Variants in SRGAP3 observed in about 807,000 individuals in gnomAD.
The protein encoded by SRGAP3 is SLIT-ROBO Rho GTPase-activating protein 3.
In SRGAP3, 39 loss-of-function variants were observed where a neutral mutation model predicts 121.1. The observed-to-expected ratio is 0.32, with a 90% confidence interval of 0.25 to 0.42. SRGAP3 has a LOEUF of 0.42. Among genes scored for constraint, SRGAP3 ranks in the 10% least tolerant of loss-of-function variants. The pLI is 1.00. For synonymous variants in SRGAP3, 601 were observed against 570.0 expected (o/e 1.05, Z -0.77); for missense variants, 1,213 against 1,470.6 (o/e 0.82, Z 2.86).
intron 14 of SRGAP3, among the ~76,000 whole-genome samples, chr3:9,017,585 G>A (rs1280068475): frequency 3.3e-5 from 5 of 152,192 alleles, no homozygotes; most frequent in African/African-American, 7.2e-5. Flanking sequence ...CTGGTGGCCA[G>A]GGTATGGAGG....
At chr3:9,046,283 T>C (rs2670003) in intron 10 of SRGAP3, among the ~76,000 whole-genome samples, 94,288 of 151,910 alleles carry the variant, frequency 0.62, 29,979 homozygotes, top group Middle Eastern at 0.75. Context: ...CAGAGTAGAG[T>C]GTGGGGTGCT....
intron 1 of SRGAP3, among the ~76,000 whole-genome samples, chr3:9,145,951 CA>C (rs772074902): frequency 3.3e-5 from 5 of 152,172 alleles, no homozygotes; most frequent in Non-Finnish European, 7.4e-5. Flanking sequence ...AGAAGTTTAG[CA>C]GGGCATGGAA....
At chr3:9,054,960 C>T (rs1157883899) in intron 8 of SRGAP3, among the ~76,000 whole-genome samples, 1 of 152,226 alleles carries the variant, frequency 6.6e-6, no homozygotes, top group Non-Finnish European at 1.5e-5. Context: ...TACAGAAGAA[C>T]ATTGGCTTCA....
At chr3:9,299,051 C>CAA (rs71049787) in intron 3 of SRGAP3, among the ~76,000 whole-genome samples, 1,144 of 70,238 alleles carry the variant, frequency 0.016, 39 homozygotes, top group African/African-American at 0.06. Flanking sequence ...GACTCCATCT[C>CAA]AAAAAAAAAA....
At chr3:9,265,976 T>C (rs1954354375) in intron 3 of SRGAP3, among the ~76,000 whole-genome samples, 2 of 152,168 alleles carry the variant, frequency 1.3e-5, no homozygotes, top group Admixed American at 1.3e-4. Flanking sequence ...CCAACCCAAA[T>C]GCTCATCAAT....
At chr3:9,073,239 G>A (rs1946802319) in intron 4 of SRGAP3, among the ~76,000 whole-genome samples, 1 of 152,190 alleles carries the variant, frequency 6.6e-6, no homozygotes, top group African/African-American at 2.4e-5. Flanking sequence ...CACCTCCCAA[G>A]CTCAGGTAAT....
At chr3:9,148,328 C>T (rs771462518) in intron 1 of SRGAP3, among the ~76,000 whole-genome samples, 1 of 152,202 alleles carries the variant, frequency 6.6e-6, no homozygotes, top group Non-Finnish European at 1.5e-5. Context: ...GGAATGTGTG[C>T]TACAAGCACC....
At chr3:9,101,382 G>T (rs1948208158) in intron 3 of SRGAP3, among the ~76,000 whole-genome samples, 1 of 152,226 alleles carries the variant, frequency 6.6e-6, no homozygotes, top group Non-Finnish European at 1.5e-5. Flanking sequence ...ATGGGTATGT[G>T]TCCCGGCCTG....
intron 3 of SRGAP3, among the ~76,000 whole-genome samples, chr3:9,285,294 G>T (rs1204646815): frequency 6.6e-6 from 1 of 152,144 alleles, no homozygotes; most frequent in Non-Finnish European, 1.5e-5. Flanking sequence ...CCATTCTATT[G>T]TTTTAGTGAT....
At chr3:9,330,032 T>C (rs923111969) in intron 2 of SRGAP3, among the ~76,000 whole-genome samples, 1 of 152,224 alleles carries the variant, frequency 6.6e-6, no homozygotes, top group Non-Finnish European at 1.5e-5. Context: ...GCCATTTCTA[T>C]AAGACTTCGC....
chr3:9,331,942 G>A (rs893525361), intron 1 of SRGAP3, among the ~76,000 whole-genome samples: 2 of 152,152 alleles, frequency 1.3e-5, no homozygotes, highest in Non-Finnish European at 2.9e-5. Context: ...GTAATATACT[G>A]TTGTTAATTA....
chr3:9,032,606 T>C, intron 12 of SRGAP3, 44 bp downstream of exon 12: 1 of 1,572,482 alleles, frequency 6.4e-7, no homozygotes, highest in South Asian at 1.1e-5. Context: ...AGGCTGCCAT[T>C]ACATTGGGTG....
chr3:9,034,623 T>A (rs1944658418), intron 11 of SRGAP3: 1 of 152,208 alleles, frequency 6.6e-6, no homozygotes, highest in Non-Finnish European at 1.5e-5. Context: ...ACAGCACAGA[T>A]CAAAATTTTG....
chr3:9,318,293 A>G (rs2125281178), intron 3 of SRGAP3, among the ~76,000 whole-genome samples: 1 of 151,482 alleles, frequency 6.6e-6, no homozygotes, highest in African/African-American at 2.4e-5. Context: ...TCTGGGCCAC[A>G]CTGGGAACCC....
At chr3:9,308,167 A>ATCC (rs1363813521) in intron 3 of SRGAP3, among the ~76,000 whole-genome samples, 50 of 152,310 alleles carry the variant, frequency 3.3e-4, no homozygotes, top group Non-Finnish European at 6.6e-4. Context: ...AAAACAGGCC[A>ATCC]CAGCACCATC....
intron 2 of SRGAP3, among the ~76,000 whole-genome samples, chr3:9,118,045 T>A (rs1948868895): frequency 1.3e-5 from 2 of 152,032 alleles, no homozygotes; most frequent in African/African-American, 4.8e-5. Flanking sequence ...GGCAGGAGGA[T>A]CACTTGAGCC....
At chr3:9,165,063 G>A (rs1950735470) in intron 1 of SRGAP3, among the ~76,000 whole-genome samples, 1 of 152,260 alleles carries the variant, frequency 6.6e-6, no homozygotes, top group Non-Finnish European at 1.5e-5. Flanking sequence ...GGCAGGCTGG[G>A]CTTAGCTAGG....
intron 4 of SRGAP3, among the ~76,000 whole-genome samples, chr3:9,071,509 G>A (rs1946712255): frequency 6.6e-6 from 1 of 152,132 alleles, no homozygotes; most frequent in African/African-American, 2.4e-5. Flanking sequence ...GGAGGGTGGG[G>A]AGAGGCTAAT....
chr3:9,105,813 G>A (rs1575081418), intron 2 of SRGAP3, among the ~76,000 whole-genome samples: 1 of 152,310 alleles, frequency 6.6e-6, no homozygotes, highest in East Asian at 1.9e-4. Context: ...CCCCTCACAA[G>A]TTGAAGATAT....
Sources: gnomAD v4.1 joint callset for allele counts (sites outside exome capture counted in the v4.1 genomes callset) on GRCh38, gnomAD v4.1.1 for gene constraint, MANE v1.5 for transcripts, NCBI Gene and HGNC (gene_info 2026-07-23, HGNC 2026-07-21) for gene names.